The following EPG5 variants were observed in gnomAD, a reference collection of about 807,000 sequenced individuals.
The protein encoded by EPG5 is ectopic P granules protein 5 homolog.
Under a neutral mutation model 302.7 loss-of-function variants are expected in EPG5, and 159 were observed. The ratio of observed to expected loss-of-function variants is 0.53; its 90% confidence interval spans 0.46 to 0.60. EPG5 has a LOEUF of 0.60. Among genes scored for constraint, EPG5 ranks in the 20% least tolerant of loss-of-function variants. EPG5 has a pLI of 0.00. For synonymous variants in EPG5, 1,158 were observed against 1,136.8 expected (o/e 1.02, Z -0.37); for missense variants, 2,896 against 3,092.4 (o/e 0.94, Z 1.51).
Position 45,879,105 on chromosome 18 carries a change from T to A in EPG5, c.5777A>T (p.Asp1926Val). The A allele has an allele frequency of 1.2e-6, 2 of 1,614,144 alleles. No homozygotes were observed. Among genetic ancestry groups the A allele is most frequent in the Non-Finnish European group, 1.7e-6 (2 of 1,180,006 alleles). The change falls in exon 33 of 44, where the codon GAT (aspartate) becomes GTT (valine). Residue 1926 changes from aspartate to valine, a missense_variant. Transcript: ENST00000282041. ...AAGGTAGCCCAAGAATGTCTTCACA[T>A]CAGCCATATAAGGACTCCATTTTGA... Reference protein sequence around the residue: ...LFSKWSPYMADVKTFLGYLVK... With the variant: ...LFSKWSPYMAVVKTFLGYLVK...
intron 30 of EPG5, among the ~76,000 whole-genome samples, chr18:45,883,272 A>G (rs1322535591): frequency 6.6e-6 from 1 of 152,118 alleles, no homozygotes; most frequent in East Asian, 1.9e-4. Context: ...CGACAGTGCC[A>G]CAAATAAGCA....
At chr18:45,934,481 A>G (rs2050472538) in intron 11 of EPG5, among the ~76,000 whole-genome samples, 2 of 152,190 alleles carry the variant, frequency 1.3e-5, no homozygotes, top group Admixed American at 1.3e-4. Context: ...AGCCTTAACA[A>G]ATTTCTAGAC....
At chr18:45,957,027 C>A (rs970984287) in intron 1 of EPG5, among the ~76,000 whole-genome samples, 4 of 151,400 alleles carry the variant, frequency 2.6e-5, no homozygotes, top group African/African-American at 9.7e-5. Context: ...TTCATTCAAA[C>A]AGACTAAAAA....
At chr18:45,911,022 C>G (rs764658664) in intron 22 of EPG5, among the ~76,000 whole-genome samples, 1 of 151,638 alleles carries the variant, frequency 6.6e-6, no homozygotes, top group Non-Finnish European at 1.5e-5. Flanking sequence ...AACTTGCAAT[C>G]TGGCAAAAAC....
chr18:45,857,713 T>TG, intron 42 of EPG5, 140 bp downstream of exon 42: 1 of 631,850 alleles, frequency 1.6e-6, no homozygotes, highest in Non-Finnish European at 2.7e-6. Context: ...GTTTTTTTTT[T>TG]CTTTTTTTTT....
the EPG5 span, among the ~76,000 whole-genome samples, chr18:45,835,895 G>T: frequency 6.6e-6 from 1 of 152,140 alleles, no homozygotes; most frequent in Non-Finnish European, 1.5e-5. Flanking sequence ...AAAGGGACTG[G>T]GATTTTTCCA....
At chr18:45,906,609 C>T (rs2049756959) in intron 24 of EPG5, among the ~76,000 whole-genome samples, 1 of 152,058 alleles carries the variant, frequency 6.6e-6, no homozygotes, top group Admixed American at 6.6e-5. Flanking sequence ...AAATCAGGGG[C>T]TATTCCCCTA....
At chr18:45,903,449 T>C (rs1244207532) in intron 25 of EPG5, among the ~76,000 whole-genome samples, 1 of 152,222 alleles carries the variant, frequency 6.6e-6, no homozygotes, top group Non-Finnish European at 1.5e-5. Flanking sequence ...GTATTCTGCA[T>C]TTCTCTGAAT....
At chr18:45,920,223 C>CAGGA (rs1414679512) in intron 16 of EPG5, among the ~76,000 whole-genome samples, 1 of 152,184 alleles carries the variant, frequency 6.6e-6, no homozygotes, top group African/African-American at 2.4e-5. Flanking sequence ...CACAATTGAA[C>CAGGA]AGGACAATGT....
chr18:45,870,764 G>T, intron 35 of EPG5, 22 bp from the exon 36 acceptor site: 1 of 1,454,242 alleles, frequency 6.9e-7, no homozygotes, highest in Non-Finnish European at 9.4e-7. Flanking sequence ...AAAGAAAATA[G>T]AGCTGAAGAC....
intron 16 of EPG5, among the ~76,000 whole-genome samples, chr18:45,922,056 C>A (rs1472829378): frequency 6.6e-6 from 1 of 151,030 alleles, no homozygotes; most frequent in East Asian, 1.9e-4. Context: ...GATCACAATT[C>A]TGAGGAAGAC....
intron 27 of EPG5, among the ~76,000 whole-genome samples, chr18:45,894,453 A>AAATAAT (rs200011992): frequency 4.0e-5 from 6 of 151,024 alleles, no homozygotes; most frequent in African/African-American, 1.2e-4. Flanking sequence ...CTCTGCCTCA[A>AAATAAT]AATAATAATA....
At chr18:45,807,813 A>G in the EPG5 span, among the ~76,000 whole-genome samples, 2 of 152,350 alleles carry the variant, frequency 1.3e-5, no homozygotes, top group Middle Eastern at 3.4e-3. Flanking sequence ...TAATATGGCA[A>G]AACAAGGTTA....
intron 27 of EPG5, among the ~76,000 whole-genome samples, chr18:45,892,394 G>T (rs546146949): frequency 6.6e-6 from 1 of 152,264 alleles, no homozygotes; most frequent in South Asian, 2.1e-4. Context: ...CCCTCCACTT[G>T]AGTCATTTTA....
At chr18:45,822,766 T>A in the EPG5 span, among the ~76,000 whole-genome samples, 1 of 152,162 alleles carries the variant, frequency 6.6e-6, no homozygotes, top group South Asian at 2.1e-4. Flanking sequence ...GAAGAACTTA[T>A]AATCCAATCA....
chr18:45,866,686 C>A, intron 38 of EPG5, 112 bp downstream of exon 38: 1 of 805,560 alleles, frequency 1.2e-6, no homozygotes, highest in South Asian at 1.6e-5. Flanking sequence ...TAATACACAT[C>A]CTCCGACTTC....
chr18:45,880,765 T>C (rs947972526), intron 31 of EPG5, among the ~76,000 whole-genome samples: 1 of 151,998 alleles, frequency 6.6e-6, no homozygotes, highest in Non-Finnish European at 1.5e-5. Context: ...TAACTTCCCA[T>C]CCCACAGGAC....
the EPG5 span, among the ~76,000 whole-genome samples, chr18:45,833,634 T>C: frequency 2.0e-5 from 3 of 152,196 alleles, no homozygotes; most frequent in African/African-American, 7.2e-5. Context: ...TTAAATGAGA[T>C]GAGGATATCA....
In EPG5 at chr18:45,944,332, A is replaced by G. The variant is rs72918371; in HGVS notation, c.1678-213T>C. On this transcript the variant is annotated intron_variant, in intron 7 of 43. Coordinates refer to ENST00000282041, the MANE Select transcript of EPG5 (RefSeq NM_020964.3). ...CCTGAAATTCCAAGCACAATTTTAT[A>G]TGTATCTGGGTCACAGCAAGTGATT... 0.098 allele frequency among the ~76,000 whole-genome samples: 14,930 copies of G among 152,248 alleles called. 852 individuals are homozygous for G. Among genetic ancestry groups the G allele is most frequent in the African/African-American group, 0.16 (6,565 of 41,536 alleles).
Sources: gnomAD v4.1 joint callset for allele counts (sites outside exome capture counted in the v4.1 genomes callset) on GRCh38, gnomAD v4.1.1 for gene constraint, MANE v1.5 for transcripts, NCBI Gene and HGNC (gene_info 2026-07-23, HGNC 2026-07-21) for gene names.